Variants in PPP2R5B observed in about 807,000 individuals in gnomAD.
The protein encoded by PPP2R5B is serine/threonine-protein phosphatase 2A 56 kDa regulatory subunit beta isoform.
In PPP2R5B, 19 loss-of-function variants were observed where a neutral mutation model predicts 59.9. The observed-to-expected ratio is 0.32, with a 90% confidence interval of 0.22 to 0.47. The LOEUF is 0.47. Among genes scored for constraint, PPP2R5B ranks in the 20% least tolerant of loss-of-function variants. PPP2R5B has a pLI of 1.00. For missense variants in PPP2R5B, 441 were observed against 640.2 expected (o/e 0.69, Z 3.36); for synonymous variants, 286 against 260.5 (o/e 1.10, Z -0.94).
At position 64,931,227 on chromosome 11, in the gene PPP2R5B, G is replaced by A. The variant is rs888067418; in HGVS notation, c.892-209G>A. Among the ~76,000 whole-genome samples the A allele has an allele frequency of 1.3e-5, 2 of 152,110 alleles. No individual in the cohort carries two copies. Among genetic ancestry groups the A allele is most frequent in the African/African-American group, 2.4e-5 (1 of 41,398 alleles). ...ATTTATAAAGATGAGTTTGTTGACT[G>A]TCCCCACTCCCCGCGAGATCAGAGT... On this transcript the variant is annotated intron_variant, in intron 8 of 13. Coordinates refer to ENST00000164133, the MANE Select transcript of PPP2R5B (RefSeq NM_006244.4). This position sits in a 1 kb window ranked among gnomAD's most constrained non-coding sequence, Gnocchi z 5.0.
chr11:64,919,404 C>T (rs1009850018), intron 1 of PPP2R5B, among the ~76,000 whole-genome samples: 1 of 151,648 alleles, frequency 6.6e-6, no homozygotes, highest in Non-Finnish European at 1.5e-5. Flanking sequence ...TCTTCCATGG[C>T]AGGCTGGGGG....
At chr11:64,919,837 C>T (rs544443909), upstream of PPP2R5B, among the ~76,000 whole-genome samples, 13 of 152,284 alleles carry the variant, frequency 8.5e-5, no homozygotes, top group African/African-American at 3.1e-4. Flanking sequence ...TCACCATATG[C>T]TCATGAGGGA....
Position 64,931,443 on chromosome 11 carries a change from A to G in PPP2R5B, c.899A>G (p.Tyr300Cys). 1.2e-6 allele frequency: 2 copies of G among 1,614,046 alleles called. No individual in the cohort carries two copies. The highest frequency in any genetic ancestry group is 1.7e-6 in the Non-Finnish European group (2 of 1,179,986). Residue 300 changes from tyrosine to cysteine, a missense_variant, in exon 9 of 14, where the codon TAC (tyrosine) becomes TGC (cysteine). Physicochemically the swap from Tyr to Cys is radical, Grantham distance 194. This residue lies in a region of PPP2R5B where 268 missense variants were observed against 488.1 expected (regional missense o/e 0.55). Coordinates refer to ENST00000164133, the MANE Select transcript of PPP2R5B (RefSeq NM_006244.4). The surrounding 1 kb of genome is among the most constrained non-coding windows in gnomAD (Gnocchi z 5.0). ...SLSVFHAQLAYCVVQFLEKDA... is the reference protein window; with the variant it reads ...SLSVFHAQLACCVVQFLEKDA... Reference sequence around the variant, plus strand: ...ACCTGTCACCCCCTGCAGCTGGCATACTGTGTGGTGCAGTTCCTGGAGAAG... The same window carrying G: ...ACCTGTCACCCCCTGCAGCTGGCATGCTGTGTGGTGCAGTTCCTGGAGAAG...
intron 12 of PPP2R5B, 73 bp downstream of exon 12, chr11:64,932,965 T>C: frequency 6.3e-7 from 1 of 1,586,298 alleles, no homozygotes; most frequent in Non-Finnish European, 8.6e-7. Context: ...GACCCCAGGG[T>C]TACTCCTAGC....
chr11:64,931,594 C>G lies in PPP2R5B; in HGVS notation c.981C>G (p.Thr327=). The change falls in exon 10 of 14, where the codon ACC becomes ACG. Residue 327 remains threonine (T), a synonymous_variant. Transcript: ENST00000164133. This position sits in a 1 kb window ranked among gnomAD's most constrained non-coding sequence, Gnocchi z 5.0. ...GGCTGCTCAAATACTGGCCAAAAAC[C>G]TGCACCCAGAAGGAGGTATGAAGAA... ...IRGLLKYWPK[T]CTQKEVMFLG... 6.2e-7 allele frequency: 1 copy of G among 1,614,044 alleles called. No homozygotes were observed. Among genetic ancestry groups the G allele is most frequent in the Non-Finnish European group, 8.5e-7 (1 of 1,180,016 alleles).
chr11:64,930,402 G>C (rs1590679311), intron 7 of PPP2R5B, 21 bp downstream of exon 7: 1 of 1,614,082 alleles, frequency 6.2e-7, no homozygotes, highest in Non-Finnish European at 8.5e-7. Context: ...CTGGGCCTCA[G>C]CTGGAGCTCA....
upstream of PPP2R5B, among the ~76,000 whole-genome samples, chr11:64,921,018 G>A (rs1453705634): frequency 6.6e-6 from 1 of 150,680 alleles, no homozygotes; most frequent in Non-Finnish European, 1.5e-5. Context: ...ACAGGGGCAT[G>A]ATCACAGTTC....
rs557535443 is a variant in PPP2R5B, at chr11:64,928,331, C to T, written c.628C>T (p.Arg210Cys). ...ATTTGATAGTGAGGATCCCCGGGAGCGTGAGTACCTCAAGACCATCCTGCA... is the reference window on the plus strand; with the variant it reads ...ATTTGATAGTGAGGATCCCCGGGAGTGTGAGTACCTCAAGACCATCCTGCA... Reference protein sequence around the residue: ...ELFDSEDPREREYLKTILHRV... With the variant: ...ELFDSEDPRECEYLKTILHRV... The change falls in exon 6 of 14, where the codon CGT becomes TGT. Residue 210 changes from arginine (R) to cysteine (C), a missense_variant. By Grantham distance (180) the Arg-to-Cys change is radical (BLOSUM62 -3). Around this residue, in one of 3 missense-constraint regions of PPP2R5B, gnomAD observed 268 missense variants for 488.1 expected, o/e 0.55. Transcript: ENST00000164133. 5 of 1,614,198 alleles carry T rather than the reference C, an allele frequency of 3.1e-6. No homozygotes were observed. Among genetic ancestry groups the T allele is most frequent in the Admixed American group, 1.7e-5 (1 of 60,024 alleles).
chr11:64,925,677 T>A lies in PPP2R5B; in HGVS notation c.-58T>A. ...AGTCTGTCCAGTCTCACCCAGCACC[T>A]CCCAGGCCCAGAGAGAACCCCCGGG... is the stretch of plus-strand genomic sequence containing the variant. On this transcript the variant is annotated 5_prime_UTR_variant, in exon 2 of 14. Transcript: ENST00000164133. The surrounding 1 kb of genome is among the most constrained non-coding windows in gnomAD (Gnocchi z 4.6). The A allele has an allele frequency of 1.2e-6, 1 of 823,838 alleles. No homozygotes were observed. Among genetic ancestry groups the A allele is most frequent in the Non-Finnish European group, 1.8e-6 (1 of 552,804 alleles). The allele number at this position is 823,838 out of a possible 1,614,324, so 51.0% of individuals were successfully genotyped here. A position where few individuals can be genotyped will look rare whatever the true frequency, so the allele number is the denominator to read the frequency against.
In PPP2R5B at chr11:64,931,997, C is replaced by T. The variant is rs1945232313; in HGVS notation, c.1116+129C>T. ...GGTCTGGTAATGGGGAGATGCTGGA[C>T]TTAGGGTCAGGAGACCTAGGGTGAA... On this transcript the variant is annotated intron_variant, in intron 11 of 13. Coordinates refer to ENST00000164133, the MANE Select transcript of PPP2R5B (RefSeq NM_006244.4). This position sits in a 1 kb window ranked among gnomAD's most constrained non-coding sequence, Gnocchi z 5.0. 1 of 1,442,030 alleles carries T rather than the reference C, an allele frequency of 6.9e-7. No homozygotes were observed. The highest frequency in any genetic ancestry group is 1.4e-5 in the South Asian group (1 of 72,432). The allele number at this position is 1,442,030 out of a possible 1,614,324, so 89.3% of individuals were successfully genotyped here.
intron 1 of PPP2R5B, among the ~76,000 whole-genome samples, chr11:64,918,729 C>T (rs1011879948): frequency 6.6e-6 from 1 of 152,166 alleles, no homozygotes; most frequent in African/African-American, 2.4e-5. Context: ...ACCTCTGGCT[C>T]CTGGGTTCAA....
At chr11:64,919,260 G>A (rs1327452045) in intron 1 of PPP2R5B, among the ~76,000 whole-genome samples, 1 of 151,940 alleles carries the variant, frequency 6.6e-6, no homozygotes, top group Non-Finnish European at 1.5e-5. Flanking sequence ...GGAGAATGGT[G>A]TGAACCTGGG....
At chr11:64,933,045 C>A (rs1473167457) in intron 12 of PPP2R5B, 100 bp from the exon 13 acceptor site, 2 of 1,489,360 alleles carry the variant, frequency 1.3e-6, no homozygotes, top group Non-Finnish European at 1.9e-6. Context: ...GTGGGCAGTG[C>A]TTGTGTTCAG....
At position 64,926,767 on chromosome 11, in the gene PPP2R5B, G is replaced by T; in HGVS notation, c.255G>T (p.Gly85=). The T allele has an allele frequency of 6.2e-7, 1 of 1,614,232 alleles. No homozygotes were observed. Among genetic ancestry groups the T allele is most frequent in the Non-Finnish European group, 8.5e-7 (1 of 1,180,032 alleles). ...TGAGCCGGAAGCTGGCCCAGTGTGG[G>T]GTGATGTTTGACTTCTTGGACTGTG... ...ELLSRKLAQC[G]VMFDFLDCVA... The change falls in exon 3 of 14, where the codon GGG becomes GGT. Residue 85 remains glycine (G), a synonymous_variant. Coordinates refer to ENST00000164133, the MANE Select transcript of PPP2R5B (RefSeq NM_006244.4).
At position 64,927,774 on chromosome 11, in the gene PPP2R5B, CT is replaced by C. The variant is rs980546844; in HGVS notation, c.397-26del. 11 of 1,523,894 alleles carry C rather than the reference CT, an allele frequency of 7.2e-6. No homozygotes were observed. In the Admixed American group the frequency reaches 1.2e-4, roughly 16 times the overall value. 94.4% of individuals were successfully genotyped at this position (1,523,894 alleles called of 1,614,324 possible). A position where few individuals can be genotyped will look rare whatever the true frequency, so the allele number is the denominator to read the frequency against. ...TGGCTTCTGTCTTCAAGGGCTTTTC[CT>C]TAATGAACCCCAACTCTGCCACTCA... On this transcript the variant is annotated intron_variant, in intron 3 of 13. Transcript: ENST00000164133.
At position 64,930,490 on chromosome 11, in the gene PPP2R5B, T is replaced by C. The variant is rs760339648; in HGVS notation, c.792T>C (p.Asn264=). 1.2e-6 allele frequency: 2 copies of C among 1,614,180 alleles called. No individual in the cohort carries two copies. The highest frequency in any genetic ancestry group is 1.7e-5 in the Admixed American group (1 of 60,022). ...ELLEILGSII[N]GFALPLKTEH... is the part of the protein sequence containing the mutation. ...TCTGCCTCCTCCTCAGCATCATCAATGGCTTTGCGCTGCCCCTGAAGACGG... is the reference window on the plus strand; with the variant it reads ...TCTGCCTCCTCCTCAGCATCATCAACGGCTTTGCGCTGCCCCTGAAGACGG... Residue 264 remains asparagine (N), a synonymous_variant, in exon 8 of 14, where the codon AAT becomes AAC. Coordinates refer to ENST00000164133, the MANE Select transcript of PPP2R5B (RefSeq NM_006244.4).
rs1218742306 is a variant in PPP2R5B, at chr11:64,931,801, A to G, written c.1049A>G (p.Gln350Arg). 1 of 1,613,880 alleles carries G rather than the reference A, an allele frequency of 6.2e-7. No individual in the cohort carries two copies. The highest frequency in any genetic ancestry group is 8.5e-7 in the Non-Finnish European group (1 of 1,179,994). Reference sequence around the variant, plus strand: ...ATTCTTGATGTCATCGAGCCCTCCCAGTTTGTGAAGATCCAGGAGCCCCTT... The same window carrying G: ...ATTCTTGATGTCATCGAGCCCTCCCGGTTTGTGAAGATCCAGGAGCCCCTT... ...EEILDVIEPSQFVKIQEPLFK... is the reference protein window; with the variant it reads ...EEILDVIEPSRFVKIQEPLFK... The change falls in exon 11 of 14, where the codon CAG becomes CGG. Residue 350 changes from glutamine (Q) to arginine (R), a missense_variant. Gln to Arg is a conservative substitution (Grantham distance 43). Around this residue, in one of 3 missense-constraint regions of PPP2R5B, gnomAD observed 268 missense variants for 488.1 expected, o/e 0.55. Transcript: ENST00000164133. The surrounding 1 kb of genome is among the most constrained non-coding windows in gnomAD (Gnocchi z 5.0).
rs892827433 is a variant in PPP2R5B, at chr11:64,925,764, C to T, written c.30C>T (p.Thr10=). 11 of 1,590,928 alleles carry T rather than the reference C, an allele frequency of 6.9e-6. No homozygotes were observed. In the East Asian group the frequency reaches 2.3e-4, roughly 33 times the overall value. METKLPPAS[T]PTSPSSPGLS... ...AGACGAAGCTGCCCCCTGCAAGCAC[C>T]CCCACTAGCCCCTCCTCCCCCGGGC... Residue 10 remains threonine, a synonymous_variant, in exon 2 of 14, where the codon ACC becomes ACT. Coordinates refer to ENST00000164133, the MANE Select transcript of PPP2R5B (RefSeq NM_006244.4). This position sits in a 1 kb window ranked among gnomAD's most constrained non-coding sequence, Gnocchi z 4.6.
At position 64,925,839 on chromosome 11, in the gene PPP2R5B, C is replaced by T; in HGVS notation, c.105C>T (p.Ser35=). The change falls in exon 2 of 14, where the codon TCC becomes TCT. Residue 35 remains serine, a synonymous_variant. Transcript: ENST00000164133. This position sits in a 1 kb window ranked among gnomAD's most constrained non-coding sequence, Gnocchi z 4.6. ...AGGTGGACGGCTTCTCCCGCCGTTCCCTCCGCAGAGCCCGGCCCCGCCGCT... is the reference window on the plus strand; with the variant it reads ...AGGTGGACGGCTTCTCCCGCCGTTCTCTCCGCAGAGCCCGGCCCCGCCGCT... The part of the protein sequence containing the change: ...PDKVDGFSRR[S]LRRARPRRSH... 2 of 1,610,866 alleles carry T rather than the reference C, an allele frequency of 1.2e-6. No homozygotes were observed. Among genetic ancestry groups the T allele is most frequent in the Non-Finnish European group, 1.7e-6 (2 of 1,179,614 alleles).
Sources: gnomAD v4.1 joint callset for allele counts (sites outside exome capture counted in the v4.1 genomes callset) on GRCh38, gnomAD v4.1.1 for gene constraint, gnomAD v4.1.1 regional missense constraint, Gnocchi (gnomAD v3.1) non-coding constraint, MANE v1.5 for transcripts, NCBI Gene and HGNC (gene_info 2026-07-23, HGNC 2026-07-21) for gene names.